ALX1: variants seen among roughly 807,000 people sequenced by gnomAD.
The protein encoded by ALX1 is ALX homeobox 1, also known as ALX homeobox protein 1.
ALX1 carries 19 observed loss-of-function variants against 31.7 expected under a neutral mutation model. The observed-to-expected ratio is 0.60, with a 90% CI of 0.42 to 0.88. The LOEUF (loss-of-function observed/expected upper bound fraction) is 0.88, where lower values mean the gene tolerates loss of function less well. Ranked by LOEUF, ALX1 falls within the 40% of genes least tolerant of loss-of-function variation. ALX1 has a pLI of 0.00. For missense variants in ALX1, 415 were observed against 407.8 expected (o/e 1.02, Z -0.15); for synonymous variants, 153 against 148.8 (o/e 1.03, Z -0.20).
At chr12:85,288,556 C>G (rs772778026) in intron 3 of ALX1, among the ~76,000 whole-genome samples, 7 of 151,466 alleles carry the variant, frequency 4.6e-5, no homozygotes, top group East Asian at 1.9e-4. Flanking sequence ...CTGCAAGCTC[C>G]ATGAGGACAG....
intron 1 of ALX1, among the ~76,000 whole-genome samples, chr12:85,281,261 A>T (rs983019587): frequency 6.6e-5 from 10 of 152,212 alleles, no homozygotes; most frequent in African/African-American, 2.4e-4. Flanking sequence ...TCTGGGTGAA[A>T]TCTTCAACTT....
intron 1 of ALX1, among the ~76,000 whole-genome samples, chr12:85,280,866 C>T (rs940222397): frequency 6.6e-6 from 1 of 151,884 alleles, no homozygotes; most frequent in Admixed American, 6.5e-5. Context: ...CCTTGCAGTC[C>T]GGGCGGTAGG....
chr12:85,301,586 A>C lies in ALX1; in HGVS notation c.*111A>C. The stretch of plus-strand genomic sequence containing the variant: ...GTGTGTGGAATTGCTAAAGGTCAAG[A>C]TATTCAGTGAGACCAGCTTAAATGA... On this transcript the variant is annotated 3_prime_UTR_variant, in exon 4 of 4. Coordinates refer to ENST00000316824, the MANE Select transcript of ALX1 (RefSeq NM_006982.3). 8.9e-7 allele frequency: 1 copy of C among 1,122,180 alleles called. No homozygotes were observed. The highest frequency in any genetic ancestry group is 1.3e-6 in the Non-Finnish European group (1 of 765,810). 69.5% of individuals were successfully genotyped at this position (1,122,180 alleles called of 1,614,324 possible).
At chr12:85,297,623 G>T (rs568137175) in intron 3 of ALX1, among the ~76,000 whole-genome samples, 1 of 151,498 alleles carries the variant, frequency 6.6e-6, no homozygotes, top group Non-Finnish European at 1.5e-5. Context: ...GGTGTACAAA[G>T]AATTTTTCAT....
At chr12:85,292,312 T>C (rs1201466542) in intron 3 of ALX1, among the ~76,000 whole-genome samples, 1 of 151,192 alleles carries the variant, frequency 6.6e-6, no homozygotes, top group Non-Finnish European at 1.5e-5. Context: ...ATATATTCAA[T>C]TCACCAGAAT....
chr12:85,287,667 C>T (rs1469010489), intron 3 of ALX1, among the ~76,000 whole-genome samples: 2 of 150,966 alleles, frequency 1.3e-5, no homozygotes, highest in African/African-American at 4.9e-5. Flanking sequence ...CAATATAAGA[C>T]TATATATTTC....
chr12:85,293,031 C>T (rs1184242414), intron 3 of ALX1, among the ~76,000 whole-genome samples: 5 of 150,612 alleles, frequency 3.3e-5, no homozygotes, highest in African/African-American at 1.2e-4. Flanking sequence ...TACAATGATA[C>T]AGTGAAAATT....
intron 3 of ALX1, among the ~76,000 whole-genome samples, chr12:85,292,175 C>A (rs75369737): frequency 0.033 from 5,000 of 150,898 alleles, 261 homozygotes; most frequent in African/African-American, 0.11. Flanking sequence ...TATGTTGTAG[C>A]GTTTTAATTA....
chr12:85,283,626 G>C lies in ALX1; in HGVS notation c.281G>C (p.Arg94Thr), dbSNP rs1431104064. Residue 94 changes from arginine to threonine, a missense_variant, in exon 2 of 4, where the codon AGA becomes ACA. Physicochemically the swap from Arg to Thr is moderately conservative, Grantham distance 71. Coordinates refer to ENST00000316824, the MANE Select transcript of ALX1 (RefSeq NM_006982.3). ...CAGCCCCTTCACACCGAACTGAATA[G>C]AGCTATGGACAACTGTAACAGTCTC... The part of the protein sequence containing the change: ...EGQPLHTELN[R>T]AMDNCNSLRM... The C allele has an allele frequency of 1.2e-6, 2 of 1,614,084 alleles. No individual in the cohort carries two copies. The highest frequency in any genetic ancestry group is 1.7e-5 in the Admixed American group (1 of 60,016).
chr12:85,280,238 G>A lies in ALX1; in HGVS notation c.-24G>A. The A allele has an allele frequency of 2.5e-6, 4 of 1,607,768 alleles. No individual in the cohort carries two copies. Among genetic ancestry groups the A allele is most frequent in the Middle Eastern group, 1.7e-4 (1 of 6,050 alleles). The stretch of plus-strand genomic sequence containing the variant: ...GCTCTCCAGTTTCTGTGCCCCAGGA[G>A]CTACGCGACAGTCTTCCAGGATTAT... On this transcript the variant is annotated 5_prime_UTR_variant, in exon 1 of 4. Coordinates refer to ENST00000316824, the MANE Select transcript of ALX1 (RefSeq NM_006982.3).
At position 85,292,218 on chromosome 12, in the gene ALX1, A is replaced by T. The variant is rs1896827328; in HGVS notation, c.660+5237A>T. Among the ~76,000 whole-genome samples, 3 of 151,086 alleles carry T rather than the reference A, an allele frequency of 2.0e-5. No individual in the cohort carries two copies. The South Asian group carries it at 6.2e-4, about 31-fold the overall frequency. On this transcript the variant is annotated intron_variant, in intron 3 of 3. Coordinates refer to ENST00000316824, the MANE Select transcript of ALX1 (RefSeq NM_006982.3). ...CTCTGAGTAAATTTACTATGTAGGG[A>T]TCTAGGGAAATATTAATTTCAGTTA...
intron 1 of ALX1, among the ~76,000 whole-genome samples, chr12:85,280,928 G>A (rs1327734987): frequency 3.3e-5 from 5 of 150,082 alleles, no homozygotes; most frequent in Non-Finnish European, 7.4e-5. Flanking sequence ...TCACGAGTAG[G>A]GAAAAAAAAA....
chr12:85,292,384 C>A (rs1448827397), intron 3 of ALX1, among the ~76,000 whole-genome samples: 2 of 150,934 alleles, frequency 1.3e-5, no homozygotes, highest in Admixed American at 1.3e-4. Context: ...CTTTTCCCAC[C>A]AAAATTTTGA....
chr12:85,296,662 T>C (rs1896891572), intron 3 of ALX1, among the ~76,000 whole-genome samples: 1 of 151,534 alleles, frequency 6.6e-6, no homozygotes, highest in Non-Finnish European at 1.5e-5. Context: ...AAACATGAAA[T>C]GTTTTTAGAT....
chr12:85,295,301 A>T (rs1250552091), intron 3 of ALX1, among the ~76,000 whole-genome samples: 1 of 151,504 alleles, frequency 6.6e-6, no homozygotes, highest in Non-Finnish European at 1.5e-5. Context: ...AATAGCTAAA[A>T]ATATCTGCAT....
At position 85,301,156 on chromosome 12, in the gene ALX1, T is replaced by G; in HGVS notation, c.662T>G (p.Ile221Ser). ...TATTTGTTGTTTTATATATTCCAGA[T>G]TCAGAACAATTTGTGGGCAGGAAAT... Reference protein sequence around the residue: ...VLPRTDSYPQIQNNLWAGNAS... With the variant: ...VLPRTDSYPQSQNNLWAGNAS... Residue 221 changes from isoleucine (I) to serine (S), a missense_variant and splice_region_variant, in exon 4 of 4, where the codon ATT becomes AGT. This residue lies in a region of ALX1 where 174 missense variants were observed against 177.5 expected (regional missense o/e 0.98). Transcript: ENST00000316824. 1.2e-6 allele frequency: 2 copies of G among 1,613,934 alleles called. No individual in the cohort carries two copies. Among genetic ancestry groups the G allele is most frequent in the Non-Finnish European group, 1.7e-6 (2 of 1,179,848 alleles).
chr12:85,283,843 T>C lies in ALX1; in HGVS notation c.498T>C (p.Ala166=), dbSNP rs748689355. The part of the protein sequence containing the change: ...YPDVYVREQL[A]LRTELTEARV... The stretch of plus-strand genomic sequence containing the variant: ...ATGTGTATGTCAGAGAACAGCTTGC[T>C]CTGAGGACAGAGCTCACTGAGGCCA... Residue 166 remains alanine, a synonymous_variant, in exon 2 of 4, where the codon GCT becomes GCC. Transcript: ENST00000316824. 4.3e-6 allele frequency: 7 copies of C among 1,614,072 alleles called. No homozygotes were observed. The highest frequency in any genetic ancestry group is 1.1e-5 in the South Asian group (1 of 91,080).
At chr12:85,295,223 CT>C (rs1394434876) in intron 3 of ALX1, among the ~76,000 whole-genome samples, 2 of 151,120 alleles carry the variant, frequency 1.3e-5, no homozygotes, top group Admixed American at 6.6e-5. Context: ...TTCATTTATA[CT>C]CTTTCTCCCT....
In ALX1 at chr12:85,298,472, G is replaced by A. The variant is rs568373472; in HGVS notation, c.661-2683G>A. Among the ~76,000 whole-genome samples, 8 of 151,756 alleles carry A rather than the reference G, an allele frequency of 5.3e-5. No homozygotes were observed. In the South Asian group the frequency reaches 8.3e-4, roughly 16 times the overall value. On this transcript the variant is annotated intron_variant, in intron 3 of 3. Coordinates refer to ENST00000316824, the MANE Select transcript of ALX1 (RefSeq NM_006982.3). ...AGAAGTAAAATCACAATATACCGAGGATATTATCTTTTATGAGTTGCATCT... is the reference window on the plus strand; with the variant it reads ...AGAAGTAAAATCACAATATACCGAGAATATTATCTTTTATGAGTTGCATCT...
Sources: allele counts gnomAD v4.1 joint callset (sites outside exome capture counted in the v4.1 genomes callset), GRCh38; gene constraint gnomAD v4.1.1; regional missense constraint gnomAD v4.1.1; transcripts MANE v1.5; gene names NCBI Gene and HGNC (gene_info 2026-07-23, HGNC 2026-07-21).